EPB41L5: variants seen among roughly 807,000 people sequenced by gnomAD.
EPB41L5 encodes the protein band 4.1-like protein 5.
EPB41L5 carries 55 observed loss-of-function variants against 106.6 expected under a neutral mutation model. That is an observed-to-expected ratio of 0.52 (90% CI 0.42 to 0.65). EPB41L5 has a LOEUF of 0.65. EPB41L5 is among the 30% of genes least tolerant of loss of function. The pLI, the probability that EPB41L5 is intolerant of heterozygous loss-of-function variation, is 0.00. For synonymous variants in EPB41L5, 297 were observed against 306.7 expected (o/e 0.97, Z 0.33); for missense variants, 871 against 882.1 (o/e 0.99, Z 0.16).
At chr2:120,117,990 T>C (rs1421894784) in intron 16 of EPB41L5, among the ~76,000 whole-genome samples, 1 of 152,252 alleles carries the variant, frequency 6.6e-6, no homozygotes, top group Non-Finnish European at 1.5e-5. Flanking sequence ...TTACTTTTAG[T>C]ATTTTTCTGT....
chr2:120,146,366 A>G (rs751594820), intron 20 of EPB41L5, 77 bp downstream of exon 20: 1 of 1,080,112 alleles, frequency 9.3e-7, no homozygotes, highest in Non-Finnish European at 1.4e-6. Context: ...GTCTGTCACC[A>G]CATGGTTTCA....
chr2:120,129,829 T>A (rs1228403203), intron 17 of EPB41L5, among the ~76,000 whole-genome samples: 2 of 152,184 alleles, frequency 1.3e-5, no homozygotes, highest in African/African-American at 4.8e-5. Flanking sequence ...GGAAGTTTTT[T>A]AACTGTTTAT....
intron 16 of EPB41L5, among the ~76,000 whole-genome samples, chr2:120,119,728 C>T (rs1685123824): frequency 6.6e-6 from 1 of 151,942 alleles, no homozygotes; most frequent in Admixed American, 6.6e-5. Context: ...TAAAAACATA[C>T]ATAAATATAG....
chr2:120,147,151 T>C (rs1003340789), intron 20 of EPB41L5, among the ~76,000 whole-genome samples: 1 of 152,108 alleles, frequency 6.6e-6, no homozygotes, highest in African/African-American at 2.4e-5. Context: ...AGTTTGAGAC[T>C]AGCCTGGGCA....
chr2:120,045,913 G>C (rs1398008792), intron 3 of EPB41L5, among the ~76,000 whole-genome samples: 1 of 151,526 alleles, frequency 6.6e-6, no homozygotes, highest in Admixed American at 6.6e-5. Context: ...ATGTTGTTTG[G>C]TTTTCTGTCC....
At chr2:120,079,155 A>G (rs1682459512) in intron 10 of EPB41L5, among the ~76,000 whole-genome samples, 1 of 152,208 alleles carries the variant, frequency 6.6e-6, no homozygotes, top group Non-Finnish European at 1.5e-5. Flanking sequence ...TGTCTCTATC[A>G]GAATAGTACA....
rs192281247 is a variant in EPB41L5 at position 120,063,869 on chromosome 2, G to A, written c.286-9309G>A. Among the ~76,000 whole-genome samples the A allele has an allele frequency of 9.6e-3, 1,460 of 152,208 alleles. 18 individuals carry two copies. The highest frequency in any genetic ancestry group is 0.015 in the Non-Finnish European group (1,001 of 68,012). ...AGGCAGGAGAATCGCTTGAACCCGG[G>A]AGGCGGAGGTTGCAGTGAGGCGAGA... On this transcript the variant is annotated intron_variant, in intron 3 of 24. Transcript: ENST00000263713.
chr2:120,119,692 C>T (rs899282612), intron 16 of EPB41L5, among the ~76,000 whole-genome samples: 9 of 151,830 alleles, frequency 5.9e-5, no homozygotes, highest in African/African-American at 1.5e-4. Flanking sequence ...ATCAGCAAGA[C>T]GGTGTAACGT....
intron 3 of EPB41L5, among the ~76,000 whole-genome samples, chr2:120,068,235 G>GGT (rs1681589611): frequency 6.6e-6 from 1 of 152,230 alleles, no homozygotes; most frequent in Non-Finnish European, 1.5e-5. Flanking sequence ...TGTGAGGAAC[G>GGT]GTGCATTCCG....
rs570580773 is a variant in EPB41L5 at position 120,151,863 on chromosome 2, C to T, written c.1793+5574C>T. On this transcript the variant is annotated intron_variant, in intron 20 of 24. Transcript: ENST00000263713. ...AACTCCTGATCTCAGGTAATCGGCC[C>T]GCCTCGGCCTCCCAAAGTGCTGAGA... Among the ~76,000 whole-genome samples the T allele has an allele frequency of 9.9e-5, 15 of 152,160 alleles. No homozygotes were observed. The South Asian group carries it at 1.5e-3, about 15-fold the overall frequency.
chr2:120,140,084 C>T (rs1686105643), intron 18 of EPB41L5, among the ~76,000 whole-genome samples: 1 of 151,984 alleles, frequency 6.6e-6, no homozygotes, highest in Non-Finnish European at 1.5e-5. Flanking sequence ...TTGGTATGTT[C>T]TCATTTATGG....
chr2:120,168,250 C>G (rs1353629396), intron 24 of EPB41L5, among the ~76,000 whole-genome samples: 1 of 152,100 alleles, frequency 6.6e-6, no homozygotes, highest in Non-Finnish European at 1.5e-5. Flanking sequence ...ACAGGCTTAT[C>G]TTTGTAATAG....
intron 2 of EPB41L5, among the ~76,000 whole-genome samples, chr2:120,035,715 A>G (rs1178532667): frequency 6.6e-6 from 1 of 152,198 alleles, no homozygotes; most frequent in Non-Finnish European, 1.5e-5. Context: ...AATTAGGAAT[A>G]GTATTTGAAA....
chr2:120,070,330 CAGT>C (rs1681771757), intron 3 of EPB41L5, among the ~76,000 whole-genome samples: 1 of 152,096 alleles, frequency 6.6e-6, no homozygotes, highest in African/African-American at 2.4e-5. Context: ...GAAATTGAGG[CAGT>C]AATTAATAGC....
rs1426593527 is a variant in EPB41L5 at position 120,178,666 on chromosome 2, A to ATTTG, written c.*3764_*3767dup. 1 of 152,244 alleles carries ATTTG rather than the reference A, an allele frequency of 6.6e-6. No homozygotes were observed. Among genetic ancestry groups the ATTTG allele is most frequent in the African/African-American group, 2.4e-5 (1 of 41,460 alleles). The allele number at this position is 152,244 out of a possible 1,614,324, so 9.4% of individuals were successfully genotyped here. A position where few individuals can be genotyped will look rare whatever the true frequency, so the allele number is the denominator to read the frequency against. On this transcript the variant is annotated 3_prime_UTR_variant, in exon 25 of 25. Transcript: ENST00000263713. Reference sequence around the variant, plus strand: ...ACATATTAGGCGTTAGTATGAGGACATTTGTTTGAATTATAGAAATTTGCC... The same window carrying ATTTG: ...ACATATTAGGCGTTAGTATGAGGACATTTGTTTGTTTGAATTATAGAAATTTGCC...
rs957406449 is a variant in EPB41L5, at chr2:120,078,707, C to A, written c.803+126C>A. 6.8e-6 allele frequency: 4 copies of A among 588,466 alleles called. No individual in the cohort carries two copies. In the African/African-American group the frequency reaches 7.6e-5, roughly 11 times the overall value. 36.5% of individuals were successfully genotyped at this position (588,466 alleles called of 1,614,324 possible). A position where few individuals can be genotyped will look rare whatever the true frequency, so the allele number is the denominator to read the frequency against. ...AAAACTTGTCAATGAAAGCAACTGT[C>A]TCCTGTCACACTATTACGCATCATT... is the stretch of plus-strand genomic sequence containing the variant. On this transcript the variant is annotated intron_variant, in intron 10 of 24. Coordinates refer to ENST00000263713, the MANE Select transcript of EPB41L5 (RefSeq NM_020909.4).
chr2:120,115,451 C>T (rs907664809), intron 16 of EPB41L5, among the ~76,000 whole-genome samples: 19 of 152,322 alleles, frequency 1.2e-4, no homozygotes, highest in Middle Eastern at 3.4e-3. Flanking sequence ...GTCACCCAGC[C>T]GGGAGTGCAG....
chr2:120,026,176 G>A (rs923553457), intron 2 of EPB41L5, among the ~76,000 whole-genome samples: 4 of 152,058 alleles, frequency 2.6e-5, no homozygotes, highest in African/African-American at 9.7e-5. Context: ...AAAAAAATAG[G>A]CATAATTTTT....
chr2:120,076,986 A>C lies in EPB41L5; in HGVS notation c.521A>C (p.Tyr174Ser). 1.2e-6 allele frequency: 2 copies of C among 1,602,198 alleles called. No homozygotes were observed. The highest frequency in any genetic ancestry group is 4.5e-5 in the East Asian group (2 of 44,564). The change falls in exon 8 of 25, where the codon TAT becomes TCT. Residue 174 changes from tyrosine (Y) to serine (S), a missense_variant. By Grantham distance (144) the Tyr-to-Ser change is moderately radical (BLOSUM62 -2). Transcript: ENST00000263713. ...AYNLQAELGDYDLAEHSPELV... is the reference protein window; with the variant it reads ...AYNLQAELGDSDLAEHSPELV... ...ATGTTTATAGCTGAACTTGGTGACT[A>C]TGATCTTGCTGAGCATAGTCCTGAA...
Sources: allele counts gnomAD v4.1 joint callset (sites outside exome capture counted in the v4.1 genomes callset), GRCh38; gene constraint gnomAD v4.1.1; transcripts MANE v1.5; gene names NCBI Gene and HGNC (gene_info 2026-07-23, HGNC 2026-07-21).